Variants in DAB1 observed in about 807,000 individuals in gnomAD.
The protein encoded by DAB1 is DAB adaptor protein 1, also known as disabled homolog 1.
In DAB1, 15 loss-of-function variants were observed where a neutral mutation model predicts 64.6. That is an observed-to-expected ratio of 0.23 (90% CI 0.16 to 0.36). The LOEUF (loss-of-function observed/expected upper bound fraction) is 0.36. DAB1 is among the 10% of genes least tolerant of loss of function. DAB1 has a pLI of 1.00. For synonymous variants in DAB1, 235 were observed against 251.9 expected (o/e 0.93, Z 0.64); for missense variants, 596 against 706.7 (o/e 0.84, Z 1.78).
chr1:57,388,716 G>A (rs558179185), intron 1 of DAB1, among the ~76,000 whole-genome samples: 1 of 152,256 alleles, frequency 6.6e-6, no homozygotes, highest in African/African-American at 2.4e-5. Flanking sequence ...TTGGAAGTGA[G>A]CTCAGCTTTC....
chr1:57,704,728 T>C (rs963318219), intron 6 of DAB1, among the ~76,000 whole-genome samples: 1 of 152,182 alleles, frequency 6.6e-6, no homozygotes, highest in Non-Finnish European at 1.5e-5. Context: ...TTTGTATGTA[T>C]CTGACAAAAG....
At position 58,048,701 on chromosome 1, in the gene DAB1, C is replaced by T. The variant is rs150174747; in HGVS notation, n.387+101810G>A. On this transcript the variant is annotated intron_variant and non_coding_transcript_variant, in intron 5 of 20. Coordinates refer to the DAB1 transcript ENST00000485760. ...ACGACCACCACCAAAGTTTCCAGAACCACTTCACCTCTTTGGCTGGATGAA... is the reference window on the plus strand; with the variant it reads ...ACGACCACCACCAAAGTTTCCAGAATCACTTCACCTCTTTGGCTGGATGAA... 2,195 of 1,326,920 alleles carry T rather than the reference C, an allele frequency of 1.7e-3. 17 individuals carry two copies. In the African/African-American group the frequency reaches 0.017, roughly 10 times the overall value. 82.2% of individuals were successfully genotyped at this position (1,326,920 alleles called of 1,614,324 possible).
chr1:58,341,842 T>C (rs1278259084), intron 4 of DAB1, among the ~76,000 whole-genome samples: 1 of 152,196 alleles, frequency 6.6e-6, no homozygotes, highest in African/African-American at 2.4e-5. Flanking sequence ...GATTATTTTA[T>C]TACCACTTTC....
chr1:57,439,419 T>TTTTTTG (rs1558381247), intron 7 of DAB1, among the ~76,000 whole-genome samples: 52 of 114,362 alleles, frequency 4.5e-4, no homozygotes, highest in South Asian at 9.1e-4. Context: ...GGTGATGAGG[T>TTTTTTG]TTTTTCTTTT....
chr1:58,264,605 A>G (rs962521364), intron 4 of DAB1, among the ~76,000 whole-genome samples: 2 of 152,210 alleles, frequency 1.3e-5, no homozygotes, highest in African/African-American at 4.8e-5. Context: ...TCAACACATG[A>G]CTTCCAAGGA....
At position 57,436,648 on chromosome 1, in the gene DAB1, G is replaced by A. The variant is rs182865739; in HGVS notation, n.626-145482C>T. ...AGTACCCTTTAAATTCCATTAATGC[G>A]AGAATGGTTACACCAAGATGGATGC... On this transcript the variant is annotated intron_variant and non_coding_transcript_variant, in intron 7 of 20. Coordinates refer to the DAB1 transcript ENST00000485760. Among the ~76,000 whole-genome samples, 76 of 152,304 alleles carry A rather than the reference G, an allele frequency of 5.0e-4. 1 individual carries two copies. Among genetic ancestry groups the A allele is most frequent in the East Asian group, 1.5e-3 (8 of 5,178 alleles).
intron 5 of DAB1, among the ~76,000 whole-genome samples, chr1:57,976,056 C>T (rs1408505561): frequency 8.5e-5 from 13 of 152,208 alleles, no homozygotes; most frequent in Admixed American, 4.6e-4. Flanking sequence ...TTCTTGGCAA[C>T]GCCAAGTCTT....
intron 6 of DAB1, among the ~76,000 whole-genome samples, chr1:57,760,622 A>T (rs11207102): frequency 0.29 from 18,194 of 63,704 alleles, 1,213 homozygotes; most frequent in East Asian, 0.42. Flanking sequence ...TCTCTCTCTC[A>T]CACACACACA....
At chr1:58,191,171 C>T (rs1202262493) in intron 4 of DAB1, among the ~76,000 whole-genome samples, 1 of 152,148 alleles carries the variant, frequency 6.6e-6, no homozygotes, top group East Asian at 1.9e-4. Context: ...ATCTTCTTAG[C>T]CAGAGTTTTC....
At position 57,666,875 on chromosome 1, in the gene DAB1, G is replaced by A. The variant is rs892225113; in HGVS notation, n.552-17210C>T. On this transcript the variant is annotated intron_variant and non_coding_transcript_variant, in intron 6 of 20. Coordinates refer to the DAB1 transcript ENST00000485760. ...GAGGGAGAGGGAGAGGGAGAGGGAGGGGGAAGGGGAGAGGGAAGGGGAGGG... is the reference window on the plus strand; with the variant it reads ...GAGGGAGAGGGAGAGGGAGAGGGAGAGGGAAGGGGAGAGGGAAGGGGAGGG... Among the ~76,000 whole-genome samples the A allele has an allele frequency of 1.0e-4, 15 of 150,580 alleles. 1 individual carries two copies. The highest frequency in any genetic ancestry group is 6.0e-4 in the Admixed American group (9 of 15,090).
intron 1 of DAB1, among the ~76,000 whole-genome samples, chr1:58,545,977 T>C (rs1388939874): frequency 6.6e-6 from 1 of 152,204 alleles, no homozygotes; most frequent in Non-Finnish European, 1.5e-5. Context: ...TAGCGAGGGT[T>C]GCACGACCTT....
intron 1 of DAB1, among the ~76,000 whole-genome samples, chr1:57,301,137 AAC>A (rs1429954591): frequency 6.6e-6 from 1 of 152,192 alleles, no homozygotes; most frequent in Non-Finnish European, 1.5e-5. Flanking sequence ...ACTCTTTCAG[AAC>A]ACAGTCATTA....
chr1:57,020,089 AC>A (rs1461460322), intron 11 of DAB1, among the ~76,000 whole-genome samples: 7 of 152,108 alleles, frequency 4.6e-5, no homozygotes, highest in Non-Finnish European at 8.8e-5. Flanking sequence ...TGGAGACAAA[AC>A]AAAGAACAAA....
Position 57,775,169 on chromosome 1 carries a change from A to G in DAB1, n.551+108830T>C, listed in dbSNP as rs570272871. On this transcript the variant is annotated intron_variant and non_coding_transcript_variant, in intron 6 of 20. Transcript: ENST00000485760. ...CTTTTCCTCTTTTTTCTTGGTTAGC[A>G]TAATTATATGTTTATTAAAGTTTTA... Among the ~76,000 whole-genome samples the G allele has an allele frequency of 2.3e-4, 35 of 151,476 alleles. No homozygotes were observed. In the South Asian group the frequency reaches 6.9e-3, roughly 30 times the overall value.
intron 3 of DAB1, among the ~76,000 whole-genome samples, chr1:58,393,278 C>T (rs1348424301): frequency 1.3e-5 from 2 of 152,056 alleles, no homozygotes; most frequent in African/African-American, 4.8e-5. Context: ...TTATTTCCAG[C>T]TACCAGCTGC....
intron 9 of DAB1, among the ~76,000 whole-genome samples, chr1:57,031,752 T>C (rs1392876211): frequency 1.3e-5 from 2 of 152,258 alleles, no homozygotes; most frequent in African/African-American, 4.8e-5. Context: ...AGGTCTTCCA[T>C]GATGCACATC....
At chr1:57,107,245 G>A (rs1655248366) in intron 4 of DAB1, among the ~76,000 whole-genome samples, 1 of 151,862 alleles carries the variant, frequency 6.6e-6, no homozygotes, top group Non-Finnish European at 1.5e-5. Context: ...CATGTTGGTG[G>A]ATGCCTGTAA....
At chr1:57,856,309 C>T (rs1653752587) in intron 1 of DAB1, among the ~76,000 whole-genome samples, 2 of 152,140 alleles carry the variant, frequency 1.3e-5, no homozygotes, top group South Asian at 4.1e-4. Flanking sequence ...TCTATTAGAG[C>T]CCTTACCATG....
intron 6 of DAB1, among the ~76,000 whole-genome samples, chr1:57,801,215 G>A (rs957276492): frequency 7.2e-5 from 11 of 152,196 alleles, no homozygotes; most frequent in African/African-American, 2.4e-4. Flanking sequence ...CAAGAAGACT[G>A]GCATCTATTC....
Sources: gnomAD v4.1 joint callset for allele counts (sites outside exome capture counted in the v4.1 genomes callset) on GRCh38, gnomAD v4.1.1 for gene constraint, MANE v1.5 for transcripts, NCBI Gene and HGNC (gene_info 2026-07-23, HGNC 2026-07-21) for gene names.